The following TRAPPC9 variants were observed in gnomAD, a reference collection of about 807,000 sequenced individuals.
The protein encoded by TRAPPC9 is trafficking protein particle complex subunit 9.
Under a neutral mutation model 124.0 loss-of-function variants are expected in TRAPPC9, and 83 were observed. The observed-to-expected ratio is 0.67, with a 90% CI of 0.56 to 0.80. The LOEUF (loss-of-function observed/expected upper bound fraction) is 0.80, where lower values mean the gene tolerates loss of function less well. TRAPPC9 is among the 30% of genes least tolerant of loss of function. The pLI is 0.00. For synonymous variants in TRAPPC9, 638 were observed against 617.5 expected, an observed-to-expected ratio of 1.03 and a Z score of -0.49; for missense variants, 1,302 against 1,508.3, an observed-to-expected ratio of 0.86 and a Z score of 2.27.
chr8:140,299,315 G>A (rs1461359352), intron 11 of TRAPPC9, among the ~76,000 whole-genome samples: 1 of 152,202 alleles, frequency 6.6e-6, no homozygotes, highest in African/African-American at 2.4e-5. Flanking sequence ...GGGGGGGTCA[G>A]GGAGCGCCTG....
At chr8:140,395,808 T>G (rs763580380) in intron 7 of TRAPPC9, among the ~76,000 whole-genome samples, 1 of 151,530 alleles carries the variant, frequency 6.6e-6, no homozygotes, top group Non-Finnish European at 1.5e-5. Flanking sequence ...CCCACACCTC[T>G]CTCGTTATGT....
intron 17 of TRAPPC9, among the ~76,000 whole-genome samples, chr8:140,031,339 G>GCT (rs1217603466): frequency 1.3e-5 from 2 of 152,162 alleles, no homozygotes; most frequent in African/African-American, 4.8e-5. Context: ...GTTTTGACCA[G>GCT]CTCTTATATG....
chr8:140,349,435 G>A (rs1435000648), intron 9 of TRAPPC9, among the ~76,000 whole-genome samples: 9 of 144,222 alleles, frequency 6.2e-5, no homozygotes, highest in African/African-American at 1.0e-4. Context: ...GGGCCGATGG[G>A]GGCGCGCGAG....
chr8:139,918,498 TCACCAGAGCG>T (rs1832291695), intron 19 of TRAPPC9, among the ~76,000 whole-genome samples: 1 of 152,220 alleles, frequency 6.6e-6, no homozygotes, highest in Non-Finnish European at 1.5e-5. Context: ...TACCCGCCAG[TCACCAGAGCG>T]TGAGCAAACC....
At chr8:139,808,129 A>T (rs1824194489) in intron 21 of TRAPPC9, among the ~76,000 whole-genome samples, 1 of 152,206 alleles carries the variant, frequency 6.6e-6, no homozygotes, top group South Asian at 2.1e-4. Context: ...CTTTTTTGAG[A>T]CATACTTCAT....
At chr8:140,442,463 G>A (rs975787909) in intron 2 of TRAPPC9, among the ~76,000 whole-genome samples, 4 of 151,858 alleles carry the variant, frequency 2.6e-5, no homozygotes, top group Non-Finnish European at 5.9e-5. Context: ...GCCGGGCGTG[G>A]TGGCAGGCGC....
chr8:140,036,259 G>A (rs2131999413), intron 17 of TRAPPC9, among the ~76,000 whole-genome samples: 1 of 152,026 alleles, frequency 6.6e-6, no homozygotes, highest in African/African-American at 2.4e-5. Context: ...CTGCAACATG[G>A]AAGACAGACT....
intron 21 of TRAPPC9, among the ~76,000 whole-genome samples, chr8:139,843,680 C>T (rs930564436): frequency 6.6e-6 from 1 of 152,116 alleles, no homozygotes; most frequent in Non-Finnish European, 1.5e-5. Context: ...CCACTGCTGG[C>T]TTTGGTGGAA....
At chr8:139,925,724 G>C (rs1832770072) in intron 19 of TRAPPC9, among the ~76,000 whole-genome samples, 1 of 150,992 alleles carries the variant, frequency 6.6e-6, no homozygotes, top group Admixed American at 6.6e-5. Flanking sequence ...CTTGAGCCTG[G>C]GCAACAGAAT....
chr8:140,035,150 T>C (rs1840797235), intron 17 of TRAPPC9, among the ~76,000 whole-genome samples: 1 of 152,252 alleles, frequency 6.6e-6, no homozygotes, highest in Non-Finnish European at 1.5e-5. Context: ...TTTGTTAGGA[T>C]CAGCAGAATT....
chr8:140,133,985 T>C (rs1389751027), intron 17 of TRAPPC9, among the ~76,000 whole-genome samples: 1 of 151,408 alleles, frequency 6.6e-6, no homozygotes, highest in African/African-American at 2.4e-5. Context: ...AAAACAAAGA[T>C]TCAACTCAAT....
At chr8:140,192,679 A>G (rs1285348120) in intron 17 of TRAPPC9, among the ~76,000 whole-genome samples, 2 of 152,252 alleles carry the variant, frequency 1.3e-5, no homozygotes, top group African/African-American at 4.8e-5. Context: ...TGCTTGTCAC[A>G]TGGGTAACTA....
chr8:140,244,525 G>T (rs1233526124), intron 16 of TRAPPC9, among the ~76,000 whole-genome samples: 1 of 152,178 alleles, frequency 6.6e-6, no homozygotes, highest in Non-Finnish European at 1.5e-5. Context: ...AGCAGGTGAT[G>T]CTTTCATCCC....
intron 14 of TRAPPC9, among the ~76,000 whole-genome samples, chr8:140,276,133 T>C (rs564817720): frequency 6.6e-6 from 1 of 152,324 alleles, no homozygotes; most frequent in African/African-American, 2.4e-5. Flanking sequence ...TTATGGGGTA[T>C]AAAAATTACA....
intron 10 of TRAPPC9, among the ~76,000 whole-genome samples, chr8:140,308,879 T>C (rs1469111386): frequency 1.4e-5 from 2 of 141,164 alleles, no homozygotes; most frequent in East Asian, 4.1e-4. Flanking sequence ...AGATTACAAC[T>C]CAAAAAAAAA....
At position 139,730,334 on chromosome 8, in the gene TRAPPC9, G is replaced by C. The variant is rs1817741254; in HGVS notation, c.*727C>G. On this transcript the variant is annotated 3_prime_UTR_variant, in exon 23 of 23. Transcript: ENST00000438773. ...GACTGCACTGGGCTAGCAGATGCAG[G>C]GAGGCAGGGAGGGGGAGGCAGGCCA... 6.5e-6 allele frequency: 1 copy of C among 152,878 alleles called. No homozygotes were observed. The allele number at this position is 152,878 out of a possible 1,614,324, so 9.5% of individuals were successfully genotyped here. A position where few individuals can be genotyped will look rare whatever the true frequency, so the allele number is the denominator to read the frequency against.
rs772990782 is a variant in TRAPPC9 at position 140,450,824 on chromosome 8, T to C, written c.550A>G (p.Lys184Glu). ...GTGTCCAGTCCTACAAAGTCCTTTTTCTCAAACGGGACACAGAGAAGGGGG... is the reference window on the plus strand; with the variant it reads ...GTGTCCAGTCCTACAAAGTCCTTTTCCTCAAACGGGACACAGAGAAGGGGG... ...KIPLLCVPFE[K>E]KDFVGLDTDS... Residue 184 changes from lysine to glutamate, a missense_variant, in exon 2 of 23, where the codon AAA becomes GAA. By Grantham distance (56) the Lys-to-Glu change is moderately conservative. This residue lies in a region of TRAPPC9 where 657 missense variants were observed against 811.2 expected (regional missense o/e 0.81). Transcript: ENST00000438773. 1 of 1,612,632 alleles carries C rather than the reference T, an allele frequency of 6.2e-7. No homozygotes were observed. The highest frequency in any genetic ancestry group is 1.1e-5 in the South Asian group (1 of 90,646).
intron 7 of TRAPPC9, among the ~76,000 whole-genome samples, chr8:140,378,412 AG>A (rs1226805506): frequency 1.3e-5 from 2 of 152,184 alleles, no homozygotes; most frequent in Non-Finnish European, 2.9e-5. Context: ...CTAGCCTCCC[AG>A]CCTACATCTT....
chr8:139,931,409 A>G (rs1203852498), intron 19 of TRAPPC9: 5 of 152,200 alleles, frequency 3.3e-5, no homozygotes, highest in African/African-American at 1.2e-4. Context: ...CCCTAGAAAG[A>G]AGGATGAACA....
Sources: gnomAD v4.1 joint callset for allele counts (sites outside exome capture counted in the v4.1 genomes callset) on GRCh38, gnomAD v4.1.1 for gene constraint, gnomAD v4.1.1 regional missense constraint, MANE v1.5 for transcripts, NCBI Gene and HGNC (gene_info 2026-07-23, HGNC 2026-07-21) for gene names.